Variants in LHFPL3 observed in about 807,000 individuals in gnomAD.
The protein encoded by LHFPL3 is LHFPL tetraspan subfamily member 3 protein.
Under a neutral mutation model 19.3 loss-of-function variants are expected in LHFPL3, and 5 were observed. The observed-to-expected ratio is 0.26, with a 90% CI of 0.14 to 0.54. The LOEUF is 0.54. Ranked by LOEUF, LHFPL3 falls within the 20% of genes least tolerant of loss-of-function variation. LHFPL3 has a pLI of 0.94. For synonymous variants in LHFPL3, 133 were observed against 126.2 expected (o/e 1.05, Z -0.36); for missense variants, 249 against 307.4 (o/e 0.81, Z 1.42).
In LHFPL3 at chr7:104,831,414, A is replaced by G. The variant is rs144662830; in HGVS notation, c.683-74773A>G. Among the ~76,000 whole-genome samples the G allele has an allele frequency of 7.7e-3, 1,174 of 152,108 alleles. 51 individuals carry two copies. The highest frequency in any genetic ancestry group is 0.063 in the Admixed American group (964 of 15,292). On this transcript the variant is annotated intron_variant, in intron 2 of 2. Transcript: ENST00000424859. ...TTGTTTCTTTTGAACGAAAAGTTAA[A>G]AAGTTTAAAAGACCAAGCAACGAAC...
chr7:104,829,528 T>C (rs1425306270), intron 2 of LHFPL3, among the ~76,000 whole-genome samples: 1 of 151,664 alleles, frequency 6.6e-6, no homozygotes, highest in African/African-American at 2.4e-5. Flanking sequence ...CCCCTTCCTG[T>C]GTCCAGGTGT....
chr7:104,859,057 G>A (rs1305937006), intron 2 of LHFPL3, among the ~76,000 whole-genome samples: 1 of 151,992 alleles, frequency 6.6e-6, no homozygotes, highest in Non-Finnish European at 1.5e-5. Context: ...GAGGTCAGGA[G>A]TTCGAGACCA....
chr7:104,848,363 G>A (rs986093916), intron 2 of LHFPL3, among the ~76,000 whole-genome samples: 2 of 152,138 alleles, frequency 1.3e-5, no homozygotes, highest in African/African-American at 4.8e-5. Flanking sequence ...AGCACTGTTT[G>A]TTTGAAGAGG....
chr7:104,590,644 C>G (rs1790693736), intron 1 of LHFPL3, among the ~76,000 whole-genome samples: 2 of 152,158 alleles, frequency 1.3e-5, no homozygotes, highest in African/African-American at 4.8e-5. Context: ...TGGTGCAGAG[C>G]TGAGTTCAGT....
intron 1 of LHFPL3, among the ~76,000 whole-genome samples, chr7:104,685,130 C>T (rs1359599771): frequency 1.3e-5 from 2 of 152,016 alleles, no homozygotes; most frequent in East Asian, 3.9e-4. Context: ...GGGTGAATCA[C>T]GAGGTCAAGA....
chr7:104,669,010 T>C (rs1400299891), intron 1 of LHFPL3: 1 of 1,611,600 alleles, frequency 6.2e-7, no homozygotes, highest in Non-Finnish European at 8.5e-7. Flanking sequence ...AGGAAGTGAG[T>C]CATCACAGAC....
chr7:104,333,269 C>G (rs190568783), intron 1 of LHFPL3, among the ~76,000 whole-genome samples: 101 of 152,232 alleles, frequency 6.6e-4, no homozygotes, highest in African/African-American at 2.3e-3. Context: ...CTTTAGTTTT[C>G]TTTTCTTTTT....
At chr7:104,487,458 C>T (rs1422798305) in intron 1 of LHFPL3, among the ~76,000 whole-genome samples, 1 of 152,188 alleles carries the variant, frequency 6.6e-6, no homozygotes, top group Non-Finnish European at 1.5e-5. Context: ...TCGTGTGGTG[C>T]ACTCACACAC....
At chr7:104,476,151 T>C (rs1468350267) in intron 1 of LHFPL3, among the ~76,000 whole-genome samples, 1 of 152,174 alleles carries the variant, frequency 6.6e-6, no homozygotes, top group Admixed American at 6.5e-5. Flanking sequence ...ATGGGCATAC[T>C]CAAGCCTCTT....
intron 1 of LHFPL3, among the ~76,000 whole-genome samples, chr7:104,628,561 A>G (rs559929049): frequency 3.3e-5 from 5 of 152,180 alleles, no homozygotes; most frequent in Non-Finnish European, 7.3e-5. Context: ...GTTTGAGTCT[A>G]TGTTGTTGGA....
At chr7:104,589,394 G>A (rs1476557905) in intron 1 of LHFPL3, among the ~76,000 whole-genome samples, 1 of 152,174 alleles carries the variant, frequency 6.6e-6, no homozygotes, top group Non-Finnish European at 1.5e-5. Flanking sequence ...CTTTGGCTCT[G>A]TTTATATGAT....
rs376103473 is a variant in LHFPL3 at position 104,578,881 on chromosome 7, T to C, written c.446-157794T>C. On this transcript the variant is annotated intron_variant, in intron 1 of 2. Coordinates refer to ENST00000424859, the MANE Select transcript of LHFPL3 (RefSeq NM_199000.3). ...TCAGTCTAAGACCATACTTAACTAC[T>C]TCTAAAATTAAGGTAAAATTATATT... is the stretch of plus-strand genomic sequence containing the variant. Among the ~76,000 whole-genome samples, 28 of 152,156 alleles carry C rather than the reference T, an allele frequency of 1.8e-4. No individual in the cohort carries two copies. In the East Asian group the frequency reaches 2.1e-3, roughly 12 times the overall value.
At chr7:104,383,254 ACT>A (rs1158648628) in intron 1 of LHFPL3, among the ~76,000 whole-genome samples, 2 of 152,144 alleles carry the variant, frequency 1.3e-5, no homozygotes, top group East Asian at 3.9e-4. Flanking sequence ...TAGCACAGTG[ACT>A]CTGATGTGGA....
intron 1 of LHFPL3, among the ~76,000 whole-genome samples, chr7:104,555,855 A>G (rs746919036): frequency 6.6e-6 from 1 of 152,210 alleles, no homozygotes; most frequent in Non-Finnish European, 1.5e-5. Context: ...TACTTCCTAG[A>G]TATAATGGGG....
At chr7:104,589,241 T>C (rs939859040) in intron 1 of LHFPL3, among the ~76,000 whole-genome samples, 45 of 152,318 alleles carry the variant, frequency 3.0e-4, no homozygotes, top group African/African-American at 1.1e-3. Context: ...TGATATTGGC[T>C]GTGGGTTTGT....
intron 1 of LHFPL3, among the ~76,000 whole-genome samples, chr7:104,360,554 T>A (rs1790371610): frequency 6.6e-6 from 1 of 152,132 alleles, no homozygotes; most frequent in South Asian, 2.1e-4. Context: ...TATGTCTGCC[T>A]TATAGCAGGT....
chr7:104,575,579 A>C (rs984761546), intron 1 of LHFPL3, among the ~76,000 whole-genome samples: 2 of 149,848 alleles, frequency 1.3e-5, no homozygotes, highest in African/African-American at 2.4e-5. Flanking sequence ...AAAAAAAAAA[A>C]AAAAAAACAG....
chr7:104,728,482 C>G (rs982306251), intron 1 of LHFPL3, among the ~76,000 whole-genome samples: 2 of 152,134 alleles, frequency 1.3e-5, no homozygotes, highest in African/African-American at 2.4e-5. Flanking sequence ...TATAGTTCCT[C>G]AAACACAGCA....
chr7:104,501,314 A>C (rs991172984), intron 1 of LHFPL3, among the ~76,000 whole-genome samples: 1 of 152,198 alleles, frequency 6.6e-6, no homozygotes, highest in African/African-American at 2.4e-5. Context: ...CTACTAATTT[A>C]AAAGCTATTA....
Sources: allele counts gnomAD v4.1 joint callset (sites outside exome capture counted in the v4.1 genomes callset), GRCh38; gene constraint gnomAD v4.1.1; transcripts MANE v1.5; gene names NCBI Gene and HGNC (gene_info 2026-07-23, HGNC 2026-07-21).